The following CREB5 variants were observed in gnomAD, a reference collection of about 807,000 sequenced individuals.
CREB5 encodes the protein cyclic AMP-responsive element-binding protein 5.
CREB5 carries 19 observed loss-of-function variants against 57.1 expected under a neutral mutation model. The ratio of observed to expected loss-of-function variants is 0.33; its 90% confidence interval spans 0.23 to 0.49. CREB5 has a LOEUF of 0.49. Among genes scored for constraint, CREB5 ranks in the 20% least tolerant of loss-of-function variants. The pLI, the probability that CREB5 is intolerant of heterozygous loss-of-function variation, is 0.99. For synonymous variants in CREB5, 238 were observed against 238.3 expected (o/e 1.00, Z 0.01); for missense variants, 579 against 671.6 (o/e 0.86, Z 1.52).
At chr7:28,572,944 A>T in intron 5 of CREB5, among the ~76,000 whole-genome samples, 1 of 152,140 alleles carries the variant, frequency 6.6e-6, no homozygotes, top group East Asian at 1.9e-4. Context: ...ACTCTGTCTC[A>T]TTGCCAAGCC....
intron 1 of CREB5, among the ~76,000 whole-genome samples, chr7:28,477,813 C>A (rs1257703340): frequency 6.6e-6 from 1 of 152,134 alleles, no homozygotes; most frequent in African/African-American, 2.4e-5. Flanking sequence ...ATCTAGGAAT[C>A]CCCCAAAACA....
At chr7:28,308,768 C>G (rs147196209) in intron 1 of CREB5, among the ~76,000 whole-genome samples, 271 of 152,290 alleles carry the variant, frequency 1.8e-3, no homozygotes, top group African/African-American at 6.2e-3. Flanking sequence ...AGGTATAAGA[C>G]CTTTTAGACT....
At chr7:28,400,503 A>G (rs1787437628) in intron 1 of CREB5, among the ~76,000 whole-genome samples, 1 of 152,236 alleles carries the variant, frequency 6.6e-6, no homozygotes, top group Non-Finnish European at 1.5e-5. Flanking sequence ...TGTACTGTTT[A>G]TACTGCAGTC....
Position 28,348,408 on chromosome 7 carries a change from T to TCTCACACA in CREB5, c.-25+48968_-25+48969insTCACACAC, listed in dbSNP as rs1376338798. On this transcript the variant is annotated intron_variant, in intron 1 of 9. Transcript: ENST00000396299. ...GTCTCTCTCTCTCTGTCTCTCTCTC[T>TCTCACACA]CACACACACACACACACACACACAC... Among the ~76,000 whole-genome samples, 660 of 118,240 alleles carry TCTCACACA rather than the reference T, an allele frequency of 5.6e-3. 9 individuals are homozygous for TCTCACACA. The highest frequency in any genetic ancestry group is 0.019 in the African/African-American group (602 of 31,720). The allele number at this position is 118,240 out of a possible 152,430, so 77.6% of individuals were successfully genotyped here.
At chr7:28,713,972 G>T (rs1215583463) in intron 5 of CREB5, among the ~76,000 whole-genome samples, 1 of 151,674 alleles carries the variant, frequency 6.6e-6, no homozygotes, top group Non-Finnish European at 1.5e-5. Context: ...CTGTTTTTCG[G>T]TTTTTTTGGA....
intron 5 of CREB5, among the ~76,000 whole-genome samples, chr7:28,582,255 T>A (rs905007271): frequency 4.6e-5 from 7 of 152,164 alleles, no homozygotes; most frequent in African/African-American, 1.7e-4. Flanking sequence ...TTTTCGTTTT[T>A]CATTTGTTCT....
intron 7 of CREB5, among the ~76,000 whole-genome samples, chr7:28,775,789 A>G (rs1806590690): frequency 6.6e-6 from 1 of 152,056 alleles, no homozygotes; most frequent in Non-Finnish European, 1.5e-5. Flanking sequence ...TAACTTTTAA[A>G]TCACTATTAT....
intron 1 of CREB5, among the ~76,000 whole-genome samples, chr7:28,435,381 A>ATTTTT (rs34815040): frequency 2.9e-5 from 3 of 103,516 alleles, no homozygotes; most frequent in Admixed American, 1.1e-4. Context: ...TTTCCCTTCC[A>ATTTTT]TTTTTTTTTT....
intron 1 of CREB5, among the ~76,000 whole-genome samples, chr7:28,376,552 G>T (rs1254551367): frequency 6.6e-6 from 1 of 152,116 alleles, no homozygotes; most frequent in Non-Finnish European, 1.5e-5. Context: ...TTACAGGCAC[G>T]AGCCACCGCA....
At chr7:28,318,125 G>A (rs192209899) in intron 1 of CREB5, among the ~76,000 whole-genome samples, 180 of 152,230 alleles carry the variant, frequency 1.2e-3, no homozygotes, top group Middle Eastern at 0.01. Flanking sequence ...GACATTCCTA[G>A]TATTTATTCC....
At chr7:28,328,163 T>C (rs1785643928) in intron 1 of CREB5, among the ~76,000 whole-genome samples, 1 of 152,222 alleles carries the variant, frequency 6.6e-6, no homozygotes, top group Non-Finnish European at 1.5e-5. Context: ...CTCAGAAGAA[T>C]GGATGAGAAC....
At chr7:28,380,420 C>T (rs1011430132) in intron 1 of CREB5, among the ~76,000 whole-genome samples, 4 of 152,190 alleles carry the variant, frequency 2.6e-5, no homozygotes, top group African/African-American at 7.2e-5. Context: ...GTGGTTTTGA[C>T]CCATAATGGC....
rs114450022 is a variant in CREB5, at chr7:28,570,528, G to A, written c.455G>A (p.Arg152His). 108 of 1,613,446 alleles carry A rather than the reference G, an allele frequency of 6.7e-5. No individual in the cohort carries two copies. In the East Asian group the frequency reaches 2.2e-3, roughly 33 times the overall value. Residue 152 changes from arginine (R) to histidine (H), a missense_variant, in exon 5 of 11, where the codon CGC (arginine) becomes CAC (histidine). Physicochemically the swap from Arg to His is conservative, Grantham distance 29. This residue lies in a region of CREB5 where 459 missense variants were observed against 515.7 expected (regional missense o/e 0.89). Transcript: ENST00000357727. ...ATCACTCAGGCACCTTCCACCAACCGCCAGATCGGGTAAGGAGCCCTCCTT... is the reference window on the plus strand; with the variant it reads ...ATCACTCAGGCACCTTCCACCAACCACCAGATCGGGTAAGGAGCCCTCCTT... ...SVITQAPSTN[R>H]QIGPVPGSLS...
chr7:28,522,390 GTTTT>G (rs11291433), intron 4 of CREB5, among the ~76,000 whole-genome samples: 1 of 97,584 alleles, frequency 1.0e-5, no homozygotes, highest in African/African-American at 3.6e-5. Flanking sequence ...CCTGCTCTTT[GTTTT>G]TTTTTTTTTT....
intron 5 of CREB5, among the ~76,000 whole-genome samples, chr7:28,617,783 C>T (rs1241600058): frequency 6.6e-6 from 1 of 152,132 alleles, no homozygotes; most frequent in Non-Finnish European, 1.5e-5. Context: ...AAATCAGAGC[C>T]TTTCTTGGAG....
intron 7 of CREB5, chr7:28,726,797 T>C (rs752346450): frequency 6.6e-6 from 1 of 152,174 alleles, no homozygotes; most frequent in Non-Finnish European, 1.5e-5. Context: ...ACCAAAACAC[T>C]GCAGACTTAT....
At chr7:28,556,451 G>A (rs1794882343) in intron 4 of CREB5, among the ~76,000 whole-genome samples, 2 of 152,096 alleles carry the variant, frequency 1.3e-5, no homozygotes, top group African/African-American at 2.4e-5. Context: ...TAGCTCTGCC[G>A]TCTATTGTTT....
chr7:28,525,477 TC>T (rs1793408006), intron 4 of CREB5, among the ~76,000 whole-genome samples: 1 of 152,168 alleles, frequency 6.6e-6, no homozygotes, highest in African/African-American at 2.4e-5. Context: ...TTCCACATCC[TC>T]ACCAGCATTT....
intron 5 of CREB5, among the ~76,000 whole-genome samples, chr7:28,651,392 A>C (rs567462853): frequency 6.6e-6 from 1 of 152,274 alleles, no homozygotes; most frequent in East Asian, 1.9e-4. Context: ...GAGCCTTGTT[A>C]ATGTCATAGC....
Sources: gnomAD v4.1 joint callset for allele counts (sites outside exome capture counted in the v4.1 genomes callset) on GRCh38, gnomAD v4.1.1 for gene constraint, gnomAD v4.1.1 regional missense constraint, MANE v1.5 for transcripts, NCBI Gene and HGNC (gene_info 2026-07-23, HGNC 2026-07-21) for gene names.